Variants in KCNG2 observed in about 807,000 individuals in gnomAD.
The protein encoded by KCNG2 is voltage-gated potassium channel regulatory subunit KCNG2.
In KCNG2, 7 loss-of-function variants were observed where a neutral mutation model predicts 12.3. The ratio of observed to expected loss-of-function variants is 0.57; its 90% CI spans 0.32 to 1.07. The LOEUF is 1.07. Among genes scored for constraint, KCNG2 ranks in the 50% least tolerant of loss-of-function variants. The pLI is 0.04. For synonymous variants in KCNG2, 414 were observed against 351.4 expected (o/e 1.18, Z -1.99); for missense variants, 703 against 726.0 (o/e 0.97, Z 0.36).
At chr18:79,889,689 A>G (rs1474060400) in intron 3 of KCNG2, among the ~76,000 whole-genome samples, 1 of 152,256 alleles carries the variant, frequency 6.6e-6, no homozygotes, top group African/African-American at 2.4e-5. Flanking sequence ...CCAACATGAC[A>G]TGACCTTCTC....
intron 3 of KCNG2, among the ~76,000 whole-genome samples, chr18:79,871,984 G>A (rs546607192): frequency 3.3e-5 from 5 of 152,238 alleles, no homozygotes; most frequent in Non-Finnish European, 5.9e-5. Flanking sequence ...TCTGGGAGGC[G>A]GGCAGGGCCC....
rs888439991 is a variant in KCNG2 at position 79,800,171 on chromosome 18, T to C, written c.-115+2157T>C. Among the ~76,000 whole-genome samples the C allele has an allele frequency of 1.3e-5, 2 of 149,676 alleles. No homozygotes were observed. The highest frequency in any genetic ancestry group is 1.3e-4 in the Admixed American group (2 of 15,028). ...TGGGGGCGGGAGTGAAGGGAGCAGA[T>C]GGGGCTGTGCCGACAGGCATGAGCT... On this transcript the variant is annotated intron_variant, in intron 1 of 3. Transcript: ENST00000316249. This position sits in a 1 kb window ranked among gnomAD's most constrained non-coding sequence, Gnocchi z 4.0.
rs116520626 is a variant in KCNG2 at position 79,868,584 on chromosome 18, G to A, written c.624+4293G>A. Among the ~76,000 whole-genome samples the A allele has an allele frequency of 1.8e-3, 275 of 152,372 alleles. 1 individual carries two copies. Among genetic ancestry groups the A allele is most frequent in the African/African-American group, 6.4e-3 (265 of 41,582 alleles). On this transcript the variant is annotated intron_variant, in intron 3 of 3. Transcript: ENST00000316249. ...TATTTCAAAGCATGAGAATTGGCGT[G>A]TTGGTGACGTAACAAAACCGGAAGC...
chr18:79,865,009 TGAGGTCTCGGTGCC>T (rs1979411266), intron 3 of KCNG2, among the ~76,000 whole-genome samples: 1 of 98,598 alleles, frequency 1.0e-5, no homozygotes, highest in African/African-American at 3.3e-5. Context: ...GTCTGGGTGC[TGAGGTCTCGGTGCC>T]GAGGTCTGTG....
rs1179800681 is a variant in KCNG2 at position 79,899,175 on chromosome 18, A to G, written c.760A>G (p.Ile254Val). The G allele has an allele frequency of 2.1e-5, 33 of 1,605,580 alleles. No individual in the cohort carries two copies. Among genetic ancestry groups the G allele is most frequent in the African/African-American group, 2.7e-5 (2 of 74,812 alleles). Residue 254 changes from isoleucine to valine, a missense_variant, in exon 4 of 4, where the codon ATT becomes GTT. By Grantham distance (29) the Ile-to-Val change is conservative. Transcript: ENST00000316249. ...CTTCCTGCGCGCGCCACTCAACATCATTGACATCCTGGCGCTCCTGCCGTT... is the reference window on the plus strand; with the variant it reads ...CTTCCTGCGCGCGCCACTCAACATCGTTGACATCCTGGCGCTCCTGCCGTT... ...CAFLRAPLNI[I>V]DILALLPFYV...
At chr18:79,812,851 ACT>A (rs953436776) in intron 1 of KCNG2, among the ~76,000 whole-genome samples, 14 of 151,722 alleles carry the variant, frequency 9.2e-5, no homozygotes, top group African/African-American at 3.4e-4. Context: ...ATAGAGCGAG[ACT>A]CTGTCTCAAA....
At chr18:79,853,730 C>T (rs936767089) in intron 1 of KCNG2, among the ~76,000 whole-genome samples, 5 of 152,222 alleles carry the variant, frequency 3.3e-5, no homozygotes, top group South Asian at 2.1e-4. Context: ...AGGACTCTGG[C>T]GGAAGGCCTG....
chr18:79,814,907 G>A (rs796079874), intron 1 of KCNG2, among the ~76,000 whole-genome samples: 13 of 120,602 alleles, frequency 1.1e-4, no homozygotes, highest in African/African-American at 4.1e-4. Context: ...TTTACCCTGT[G>A]TGCTTTTTTT....
At chr18:79,817,845 A>AC (rs2087541519) in intron 1 of KCNG2, among the ~76,000 whole-genome samples, 2 of 151,778 alleles carry the variant, frequency 1.3e-5, no homozygotes, top group South Asian at 2.1e-4. Context: ...GACTGTGAGG[A>AC]CCCCTCTCTC....
chr18:79,835,273 A>G (rs1363852117), intron 1 of KCNG2, among the ~76,000 whole-genome samples: 1 of 152,242 alleles, frequency 6.6e-6, no homozygotes, highest in African/African-American at 2.4e-5. Context: ...CTAGGTTTCC[A>G]TGGAAATCAG....
In KCNG2 at chr18:79,884,929, A is replaced by C. The variant is rs1050195764; in HGVS notation, c.625-14111A>C. On this transcript the variant is annotated intron_variant, in intron 3 of 3. Transcript: ENST00000316249. The surrounding 1 kb of genome is among the most constrained non-coding windows in gnomAD (Gnocchi z 5.5). ...ACTGTGATAATGAGAGCGTCCTGACACCAGGGCTGGGAAGCCCACACTGAT... is the reference window on the plus strand; with the variant it reads ...ACTGTGATAATGAGAGCGTCCTGACCCCAGGGCTGGGAAGCCCACACTGAT... 2.6e-5 allele frequency among the ~76,000 whole-genome samples: 4 copies of C among 152,142 alleles called. No homozygotes were observed. The highest frequency in any genetic ancestry group is 9.7e-5 in the African/African-American group (4 of 41,432).
At chr18:79,877,583 C>G (rs761094160) in intron 3 of KCNG2, among the ~76,000 whole-genome samples, 4 of 152,228 alleles carry the variant, frequency 2.6e-5, no homozygotes, top group South Asian at 4.2e-4. Flanking sequence ...TCCGCCCCCC[C>G]CGAGAGTCAC....
At chr18:79,806,446 C>T (rs1309806116) in intron 1 of KCNG2, among the ~76,000 whole-genome samples, 2 of 152,300 alleles carry the variant, frequency 1.3e-5, no homozygotes, top group Admixed American at 6.5e-5. Context: ...TTTCTTGAAC[C>T]GTGCTCTGCA....
intron 1 of KCNG2, among the ~76,000 whole-genome samples, chr18:79,820,234 C>CT (rs1455635275): frequency 6.6e-6 from 1 of 152,214 alleles, no homozygotes; most frequent in Non-Finnish European, 1.5e-5. Flanking sequence ...TCCTCCCCAC[C>CT]TTTTGGCTAA....
rs1481611521 is a variant in KCNG2, at chr18:79,884,714, G to A, written c.625-14326G>A. 6.6e-6 allele frequency among the ~76,000 whole-genome samples: 1 copy of A among 152,214 alleles called. No individual in the cohort carries two copies. Among genetic ancestry groups the A allele is most frequent in the Non-Finnish European group, 1.5e-5 (1 of 68,038 alleles). ...CCAAGGCCCACAGACACGTGGCTTC[G>A]TGATGGGGAGCCACGGGGGCAGGGG... On this transcript the variant is annotated intron_variant, in intron 3 of 3. Transcript: ENST00000316249. This position sits in a 1 kb window ranked among gnomAD's most constrained non-coding sequence, Gnocchi z 5.5.
intron 1 of KCNG2, among the ~76,000 whole-genome samples, chr18:79,851,167 C>A (rs4798919): frequency 6.6e-6 from 1 of 152,038 alleles, no homozygotes. Flanking sequence ...TGTTTATATA[C>A]AAGACAAAAA....
intron 1 of KCNG2, among the ~76,000 whole-genome samples, chr18:79,834,172 A>T (rs1401413182): frequency 6.6e-6 from 1 of 152,246 alleles, no homozygotes; most frequent in Non-Finnish European, 1.5e-5. Context: ...AGCCAGCGTC[A>T]GAGCGGCTTG....
intron 1 of KCNG2, among the ~76,000 whole-genome samples, chr18:79,854,416 C>T (rs993606613): frequency 5.3e-5 from 8 of 152,208 alleles, no homozygotes; most frequent in Admixed American, 2.6e-4. Context: ...CAGAGGTCCC[C>T]GTGGAGGGCC....
chr18:79,847,259 G>A (rs1599388889), intron 1 of KCNG2, among the ~76,000 whole-genome samples: 1 of 152,200 alleles, frequency 6.6e-6, no homozygotes, highest in Non-Finnish European at 1.5e-5. Flanking sequence ...GGGCTTCTCC[G>A]TCTGGAACTG....
Sources: gnomAD v4.1 joint callset for allele counts (sites outside exome capture counted in the v4.1 genomes callset) on GRCh38, gnomAD v4.1.1 for gene constraint, Gnocchi (gnomAD v3.1) non-coding constraint, MANE v1.5 for transcripts, NCBI Gene and HGNC (gene_info 2026-07-23, HGNC 2026-07-21) for gene names.